Variants in MYRFL observed in about 807,000 individuals in gnomAD.
The protein encoded by MYRFL is myelin regulatory factor like, also known as myelin regulatory factor-like protein.
A neutral mutation model predicts 109.4 loss-of-function variants in MYRFL; 88 were observed. That is an observed-to-expected ratio of 0.80 (90% confidence interval 0.68 to 0.96). The LOEUF is 0.96. Ranked by LOEUF, MYRFL falls within the 40% of genes least tolerant of loss-of-function variation. The pLI, the probability that MYRFL is intolerant of heterozygous loss-of-function variation, is 0.00. For missense variants in MYRFL, 957 were observed against 954.9 expected (o/e 1.00, Z -0.03); for synonymous variants, 324 against 320.9 (o/e 1.01, Z -0.10).
chr12:69,845,100 A>G (rs1410060762), intron 1 of MYRFL, among the ~76,000 whole-genome samples: 1 of 152,142 alleles, frequency 6.6e-6, no homozygotes, highest in African/African-American at 2.4e-5. Flanking sequence ...AGGCATCCGC[A>G]TAGAAAAGTG....
intron 1 of MYRFL, among the ~76,000 whole-genome samples, chr12:69,838,307 C>G (rs1392948409): frequency 6.6e-6 from 1 of 152,166 alleles, no homozygotes; most frequent in Non-Finnish European, 1.5e-5. Flanking sequence ...CTTAGCTGTC[C>G]TTCCTTTTGA....
intron 12 of MYRFL, 42 bp downstream of exon 12, chr12:69,910,119 A>G: frequency 7.6e-7 from 1 of 1,323,298 alleles, no homozygotes. Context: ...ATTGCCAACT[A>G]TTAAAATTTT....
rs754013519 is a variant in MYRFL at position 69,886,967 on chromosome 12, A to C, written c.704A>C (p.Lys235Thr). 12 of 1,535,814 alleles carry C rather than the reference A, an allele frequency of 7.8e-6. No individual in the cohort carries two copies. Among genetic ancestry groups the C allele is most frequent in the Non-Finnish European group, 1.0e-5 (12 of 1,146,674 alleles). The change falls in exon 6 of 25, where the codon AAA becomes ACA. Residue 235 changes from lysine (K) to threonine (T), a missense_variant. Lys to Thr is a moderately conservative substitution (Grantham distance 78, BLOSUM62 -1). Transcript: ENST00000552032. ...WHSLLNSHYEKLPDVGYRVVT... is the reference protein window; with the variant it reads ...WHSLLNSHYETLPDVGYRVVT... ...AGCTTATTAAACAGTCATTATGAAA[A>C]ACTGTAAGTGGCTTGAGTGGGCTGG...
chr12:69,851,274 C>T (rs1206407830), intron 1 of MYRFL, among the ~76,000 whole-genome samples: 2 of 140,884 alleles, frequency 1.4e-5, no homozygotes, highest in African/African-American at 2.5e-5. Flanking sequence ...GGGATCTATA[C>T]TTTAAATCTC....
At chr12:69,864,924 G>A (rs1884927640) in intron 2 of MYRFL, among the ~76,000 whole-genome samples, 1 of 152,198 alleles carries the variant, frequency 6.6e-6, no homozygotes, top group South Asian at 2.1e-4. Flanking sequence ...TTCTCCTAAA[G>A]CGAATGTTCC....
intron 1 of MYRFL, among the ~76,000 whole-genome samples, chr12:69,841,999 G>A (rs1322979439): frequency 3.3e-5 from 5 of 152,204 alleles, no homozygotes; most frequent in Non-Finnish European, 7.3e-5. Context: ...GACACTGAGA[G>A]GCTAGCTAAC....
intron 21 of MYRFL, among the ~76,000 whole-genome samples, chr12:69,953,635 G>T (rs1402891510): frequency 6.7e-6 from 1 of 150,354 alleles, no homozygotes; most frequent in Non-Finnish European, 1.5e-5. Flanking sequence ...ATATTAGCTG[G>T]GCATGATGGC....
At chr12:69,857,588 T>C (rs1320907833) in intron 2 of MYRFL, among the ~76,000 whole-genome samples, 5 of 151,830 alleles carry the variant, frequency 3.3e-5, no homozygotes, top group African/African-American at 1.2e-4. Flanking sequence ...GTTTTCAACA[T>C]AAAAATACTG....
At chr12:69,897,031 A>G in intron 9 of MYRFL, 125 bp from the exon 10 acceptor site, 1 of 692,112 alleles carries the variant, frequency 1.4e-6, no homozygotes, top group African/African-American at 1.8e-5. Flanking sequence ...GGGAAAAGGC[A>G]GTCTTTAAAT....
rs974513903 is a variant in MYRFL at position 69,895,478 on chromosome 12, A to G, written c.1088A>G (p.Gln363Arg). 2 of 1,535,140 alleles carry G rather than the reference A, an allele frequency of 1.3e-6. No individual in the cohort carries two copies. Among genetic ancestry groups the G allele is most frequent in the Admixed American group, 3.9e-5 (2 of 50,990 alleles). Residue 363 changes from glutamine (Q) to arginine (R), a missense_variant, in exon 9 of 25, where the codon CAG becomes CGG. Transcript: ENST00000552032. ...AAAAAGGGAAAACCAAATCCAGACC[A>G]GAGGTACTGATGTCACTGTGTGCAT... Reference protein sequence around the residue: ...MRKKGKPNPDQRYFMLVVGLY... With the variant: ...MRKKGKPNPDRRYFMLVVGLY...
At chr12:69,883,949 T>A (rs763805451) in intron 5 of MYRFL, among the ~76,000 whole-genome samples, 4 of 152,166 alleles carry the variant, frequency 2.6e-5, no homozygotes, top group Non-Finnish European at 5.9e-5. Flanking sequence ...TTCCATAGTA[T>A]TCCATATAAA....
chr12:69,858,391 T>A (rs1361429740), intron 2 of MYRFL, among the ~76,000 whole-genome samples: 4 of 152,016 alleles, frequency 2.6e-5, no homozygotes, highest in African/African-American at 7.2e-5. Flanking sequence ...TTCCCTCACT[T>A]AAATTCTCTG....
At chr12:69,838,179 C>T (rs1883055890) in intron 1 of MYRFL, among the ~76,000 whole-genome samples, 1 of 152,108 alleles carries the variant, frequency 6.6e-6, no homozygotes. Flanking sequence ...GTTTTCTTGT[C>T]ACATCTTGCT....
intron 19 of MYRFL, among the ~76,000 whole-genome samples, chr12:69,937,587 C>A (rs775122930): frequency 4.6e-5 from 7 of 152,236 alleles, no homozygotes; most frequent in Non-Finnish European, 8.8e-5. Flanking sequence ...ACTCTTAAAG[C>A]TTCCACCTAT....
chr12:69,938,899 A>G (rs1955550866), intron 19 of MYRFL, among the ~76,000 whole-genome samples: 1 of 152,152 alleles, frequency 6.6e-6, no homozygotes, highest in Non-Finnish European at 1.5e-5. Flanking sequence ...GGGTTCAGGG[A>G]GTTCCCTTTC....
At chr12:69,851,994 C>G (rs780824867) in intron 1 of MYRFL, among the ~76,000 whole-genome samples, 6 of 152,196 alleles carry the variant, frequency 3.9e-5, no homozygotes, top group Non-Finnish European at 7.3e-5. Context: ...TCGCTCTAGT[C>G]CTCTGCCTTA....
rs1045325639 is a variant in MYRFL, at chr12:69,881,555, G to A, written c.556+1263G>A. ...CCATGGTAAGAGCTGATTCTCTGAG[G>A]GACCTTTGGCGTCAGCTCCAGCGTG... On this transcript the variant is annotated intron_variant, in intron 5 of 24. Transcript: ENST00000552032. 1.6e-4 allele frequency among the ~76,000 whole-genome samples: 25 copies of A among 152,220 alleles called. 1 individual carries two copies. The highest frequency in any genetic ancestry group is 5.9e-4 in the Admixed American group (9 of 15,292).
In MYRFL at chr12:69,825,322, G is replaced by C; in HGVS notation, c.-196G>C. The C allele has an allele frequency of 1.4e-6, 1 of 695,548 alleles. No homozygotes were observed. Among genetic ancestry groups the C allele is most frequent in the Middle Eastern group, 2.3e-4 (1 of 4,318 alleles). 43.1% of individuals were successfully genotyped at this position (695,548 alleles called of 1,614,324 possible). ...AAATGTATGGTTGTATATCCTTCCA[G>C]TTTTATAATCACATTTGAAAACTCA... is the stretch of plus-strand genomic sequence containing the variant. On this transcript the variant is annotated 5_prime_UTR_variant, in exon 1 of 25. Transcript: ENST00000552032.
intron 15 of MYRFL, among the ~76,000 whole-genome samples, chr12:69,930,324 T>C (rs902440130): frequency 5.3e-5 from 8 of 152,068 alleles, no homozygotes; most frequent in African/African-American, 1.9e-4. Context: ...GCCAAGATGG[T>C]GTTCATTCTG....
Sources: allele counts gnomAD v4.1 joint callset (sites outside exome capture counted in the v4.1 genomes callset), GRCh38; gene constraint gnomAD v4.1.1; transcripts MANE v1.5; gene names NCBI Gene and HGNC (gene_info 2026-07-23, HGNC 2026-07-21).